CEP41: variants seen among roughly 807,000 people sequenced by gnomAD.
CEP41 encodes the protein centrosomal protein 41.
Under a neutral mutation model 44.3 loss-of-function variants are expected in CEP41, and 32 were observed. The observed-to-expected ratio is 0.72, with a 90% CI of 0.54 to 0.97. The LOEUF is 0.97. Ranked by LOEUF, CEP41 falls within the 50% of genes least tolerant of loss-of-function variation. CEP41 has a pLI of 0.00. For synonymous variants in CEP41, 151 were observed against 168.5 expected, an observed-to-expected ratio of 0.90 and a Z score of 0.80; for missense variants, 432 against 455.2, an observed-to-expected ratio of 0.95 and a Z score of 0.46.
In CEP41 at chr7:130,400,811, T is replaced by G. The variant is rs527896814; in HGVS notation, c.653A>C (p.His218Pro). The G allele has an allele frequency of 2.3e-5, 37 of 1,609,814 alleles. No individual in the cohort carries two copies. The highest frequency in any genetic ancestry group is 2.8e-5 in the Non-Finnish European group (33 of 1,177,450). ...SNDILEYKNA[H>P]GKIIILYDDD... ...GTCATACAGAATGATGATCTTGCCA[T>G]GGGCATTTTTCTAAGAGTCAGATGA... is the stretch of plus-strand genomic sequence containing the variant. Residue 218 changes from histidine (H) to proline (P), a missense_variant, in exon 9 of 11, where the codon CAT (histidine) becomes CCT (proline). His to Pro is a moderately conservative substitution (Grantham distance 77). Coordinates refer to ENST00000223208, the MANE Select transcript of CEP41 (RefSeq NM_018718.3).
rs1193343306 is a variant in CEP41 at position 130,397,388 on chromosome 7, C to T, written c.*1503G>A. The T allele has an allele frequency of 4.4e-6, 2 of 453,102 alleles. No homozygotes were observed. The highest frequency in any genetic ancestry group is 6.9e-5 in the East Asian group (1 of 14,392). The allele number at this position is 453,102 out of a possible 1,614,324, so 28.1% of individuals were successfully genotyped here. A position where few individuals can be genotyped will look rare whatever the true frequency, so the allele number is the denominator to read the frequency against. ...GAAATCAAGTAGAGAAGAATAAACA[C>T]ACTCTAAAACAGAACTGGGCTGAAT... is the stretch of plus-strand genomic sequence containing the variant. On this transcript the variant is annotated 3_prime_UTR_variant, in exon 11 of 11. Transcript: ENST00000223208.
upstream of CEP41, chr7:130,441,201 T>A (rs1554427839): frequency 1.5e-6 from 1 of 678,464 alleles, no homozygotes; most frequent in Admixed American, 2.0e-5. Context: ...AGCGAGGCCT[T>A]TTGTTCTCTG....
At chr7:130,400,645 T>C (rs1388911196) in intron 9 of CEP41, 62 bp downstream of exon 9, 3 of 964,734 alleles carry the variant, frequency 3.1e-6, no homozygotes, top group Non-Finnish European at 4.9e-6. Flanking sequence ...GAAAAGGGGA[T>C]GCAGGTGGGA....
intron 1 of CEP41, among the ~76,000 whole-genome samples, chr7:130,437,482 T>A (rs1798001349): frequency 6.6e-6 from 1 of 151,954 alleles, no homozygotes; most frequent in Admixed American, 6.6e-5. Context: ...TTTTGCAAGA[T>A]GCTGATGATG....
chr7:130,424,646 T>C (rs35377260), intron 2 of CEP41, among the ~76,000 whole-genome samples: 28,310 of 152,006 alleles, frequency 0.19, 2,763 homozygotes, highest in Middle Eastern at 0.26. Context: ...ACCAGACCAA[T>C]TGAATATCCG....
rs1023143971 is a variant in CEP41, at chr7:130,395,831, T to C, written c.*3060A>G. ...TATTTGGTCTCTTTTCATTCGGATT[T>C]ATACCAAGCCCAATATGATCGTGCT... On this transcript the variant is annotated 3_prime_UTR_variant, in exon 11 of 11. Coordinates refer to ENST00000223208, the MANE Select transcript of CEP41 (RefSeq NM_018718.3). 2 of 453,394 alleles carry C rather than the reference T, an allele frequency of 4.4e-6. No individual in the cohort carries two copies. Among genetic ancestry groups the C allele is most frequent in the Non-Finnish European group, 8.8e-6 (2 of 226,718 alleles). The allele number at this position is 453,394 out of a possible 1,614,324, so 28.1% of individuals were successfully genotyped here.
rs143303575 is a variant in CEP41, at chr7:130,401,907, G to T, written c.616C>A (p.Pro206Thr). 1 of 1,608,732 alleles carries T rather than the reference G, an allele frequency of 6.2e-7. No homozygotes were observed. The highest frequency in any genetic ancestry group is 8.5e-7 in the Non-Finnish European group (1 of 1,175,278). Residue 206 changes from proline (P) to threonine (T), a missense_variant, in exon 8 of 11, where the codon CCT becomes ACT. Physicochemically the swap from Pro to Thr is conservative, Grantham distance 38. Coordinates refer to ENST00000223208, the MANE Select transcript of CEP41 (RefSeq NM_018718.3). The part of the protein sequence containing the change: ...PIATLSRTMN[P>T]YSNDILEYKN... ...TATTCAAGAATATCATTTGAATAAGGGTTCATTGTTCTAGACAGAGTTGCA... is the reference window on the plus strand; with the variant it reads ...TATTCAAGAATATCATTTGAATAAGTGTTCATTGTTCTAGACAGAGTTGCA...
intron 1 of CEP41, among the ~76,000 whole-genome samples, chr7:130,428,428 C>CA (rs67847969): frequency 0.32 from 12,308 of 37,984 alleles, 2,983 homozygotes; most frequent in African/African-American, 0.4. Flanking sequence ...GACTCTGACT[C>CA]AAAAAAAAAA....
intron 4 of CEP41, among the ~76,000 whole-genome samples, chr7:130,411,477 A>G (rs192448443): frequency 6.6e-6 from 1 of 152,356 alleles, no homozygotes; most frequent in East Asian, 1.9e-4. Flanking sequence ...TTAAAACCAC[A>G]TCTGTATATA....
At position 130,394,889 on chromosome 7, in the gene CEP41, C is replaced by A. The variant is rs1554413874; in HGVS notation, c.*4002G>T. On this transcript the variant is annotated 3_prime_UTR_variant, in exon 11 of 11. Coordinates refer to ENST00000223208, the MANE Select transcript of CEP41 (RefSeq NM_018718.3). ...TTAAAAGATGCAGCCCATCCGTCCA[C>A]AGCATTTGAGAAGTGGCCTCTCTTT... 2.2e-6 allele frequency: 1 copy of A among 454,140 alleles called. No individual in the cohort carries two copies. The highest frequency in any genetic ancestry group is 1.6e-5 in the South Asian group (1 of 64,474). The allele number at this position is 454,140 out of a possible 1,614,324, so 28.1% of individuals were successfully genotyped here.
At chr7:130,421,392 CA>C in intron 2 of CEP41, 1 of 985,406 alleles carries the variant, frequency 1.0e-6, no homozygotes, top group Non-Finnish European at 1.2e-6. Context: ...GAGCAGAAAG[CA>C]TGAAAAGAGG....
Position 130,394,270 on chromosome 7 carries a change from C to T in CEP41, c.*4621G>A. 1 of 454,034 alleles carries T rather than the reference C, an allele frequency of 2.2e-6. No individual in the cohort carries two copies. The highest frequency in any genetic ancestry group is 2.3e-5 in the Admixed American group (1 of 42,564). 28.1% of individuals were successfully genotyped at this position (454,034 alleles called of 1,614,324 possible). ...CAAACCCTTGGTCAGAGACTGAAGG[C>T]AAACCTGAGTCACTTAATTTCTACC... On this transcript the variant is annotated 3_prime_UTR_variant, in exon 11 of 11. Coordinates refer to ENST00000223208, the MANE Select transcript of CEP41 (RefSeq NM_018718.3).
At chr7:130,416,375 C>T (rs782409027) in intron 3 of CEP41, among the ~76,000 whole-genome samples, 56 of 152,202 alleles carry the variant, frequency 3.7e-4, no homozygotes, top group Non-Finnish European at 6.5e-4. Flanking sequence ...TGACTGGTAA[C>T]ATATCTTTGC....
At chr7:130,426,299 A>G (rs1797659030) in intron 2 of CEP41, among the ~76,000 whole-genome samples, 1 of 152,248 alleles carries the variant, frequency 6.6e-6, no homozygotes. Context: ...TGTAAAAAGC[A>G]GATATACTTT....
At chr7:130,410,208 T>C (rs782181493) in intron 5 of CEP41, among the ~76,000 whole-genome samples, 13 of 151,800 alleles carry the variant, frequency 8.6e-5, no homozygotes, top group Non-Finnish European at 2.9e-5. Flanking sequence ...CTATTTTTTT[T>C]AGTAGAGACA....
At chr7:130,421,327 C>T (rs1242809182) in intron 2 of CEP41, 2 of 985,322 alleles carry the variant, frequency 2.0e-6, no homozygotes, top group African/African-American at 1.7e-5. Context: ...AACTCCATGG[C>T]TTTATTTTTC....
chr7:130,431,281 G>A (rs943388443), intron 1 of CEP41, among the ~76,000 whole-genome samples: 9 of 152,124 alleles, frequency 5.9e-5, no homozygotes, highest in Non-Finnish European at 7.4e-5. Context: ...ATGGAATGGT[G>A]CAAAGTGAAG....
rs782085186 is a variant in CEP41, at chr7:130,412,221, A to G, written c.165T>C (p.Asp55=). Residue 55 remains aspartate, a synonymous_variant, in exon 4 of 11, where the codon GAT becomes GAC. Coordinates refer to ENST00000223208, the MANE Select transcript of CEP41 (RefSeq NM_018718.3). ...EIKKNYRYKK[D]ELFKRLKVTT... The stretch of plus-strand genomic sequence containing the variant: ...TAACTTTTAGTCTCTTGAAAAGCTC[A>G]TCTTTTTTGTATCTATAATCTGAAA... 3 of 1,554,012 alleles carry G rather than the reference A, an allele frequency of 1.9e-6. No individual in the cohort carries two copies. In the Admixed American group the frequency reaches 5.0e-5, roughly 26 times the overall value.
Position 130,394,695 on chromosome 7 carries a change from G to A in CEP41, c.*4196C>T, listed in dbSNP as rs1554413823. 1 of 454,116 alleles carries A rather than the reference G, an allele frequency of 2.2e-6. No individual in the cohort carries two copies. The highest frequency in any genetic ancestry group is 4.4e-6 in the Non-Finnish European group (1 of 226,790). The allele number at this position is 454,116 out of a possible 1,614,324, so 28.1% of individuals were successfully genotyped here. A position where few individuals can be genotyped will look rare whatever the true frequency, so the allele number is the denominator to read the frequency against. On this transcript the variant is annotated 3_prime_UTR_variant, in exon 11 of 11. Transcript: ENST00000223208. ...TCTGGGTCTCCAGAATGACAGACTA[G>A]CACTGAGTGGCCACCACAGTGGGCA...
Sources: allele counts gnomAD v4.1 joint callset (sites outside exome capture counted in the v4.1 genomes callset), GRCh38; gene constraint gnomAD v4.1.1; transcripts MANE v1.5; gene names NCBI Gene and HGNC (gene_info 2026-07-23, HGNC 2026-07-21).